The following ACSBG2 variants were observed in gnomAD, a reference collection of about 807,000 sequenced individuals.
ACSBG2 encodes the protein acyl-CoA synthetase bubblegum family member 2.
ACSBG2 carries 62 observed loss-of-function variants against 74.7 expected under a neutral mutation model. The observed-to-expected ratio is 0.83, with a 90% CI of 0.68 to 1.03. ACSBG2 has a LOEUF of 1.03. Ranked by LOEUF, ACSBG2 falls within the 50% of genes least tolerant of loss-of-function variation. ACSBG2 has a pLI of 0.00. For synonymous variants in ACSBG2, 309 were observed against 294.1 expected, an observed-to-expected ratio of 1.05 and a Z score of -0.52; for missense variants, 730 against 817.6, an observed-to-expected ratio of 0.89 and a Z score of 1.31.
At chr19:6,147,370 G>C in intron 2 of ACSBG2, 76 bp from the exon 3 acceptor site, 2 of 1,276,500 alleles carry the variant, frequency 1.6e-6, no homozygotes, top group East Asian at 4.9e-5. Context: ...GGTCCAAAAA[G>C]ACACCAACCG....
chr19:6,146,771 C>T (rs1426248908), intron 2 of ACSBG2, among the ~76,000 whole-genome samples: 1 of 150,358 alleles, frequency 6.7e-6, no homozygotes, highest in Non-Finnish European at 1.5e-5. Context: ...GTCTCAAAAA[C>T]AAAAACAAAA....
chr19:6,156,409 C>T (rs765000580), intron 4 of ACSBG2, 22 bp from the exon 5 acceptor site: 8 of 1,577,526 alleles, frequency 5.1e-6, no homozygotes, highest in African/African-American at 2.8e-5. Context: ...GATGCACACA[C>T]GAATTTGTTT....
In ACSBG2 at chr19:6,185,445, G is replaced by T; in HGVS notation, c.1332G>T (p.Lys444Asn). ...QNNYRLLSCG[K>N]ILTGCKNMLF... ...TTCTGTCCCCTGGCAGCTGTGGCAA[G>T]ATCTTGACTGGGTGTAAGAATATGC... Residue 444 changes from lysine (K) to asparagine (N), a missense_variant, in exon 11 of 15, where the codon AAG becomes AAT. Lys to Asn is a moderately conservative substitution (Grantham distance 94). Coordinates refer to ENST00000588485, the MANE Select transcript of ACSBG2 (RefSeq NM_030924.5). The T allele has an allele frequency of 3.7e-6, 6 of 1,614,178 alleles. No homozygotes were observed. Among genetic ancestry groups the T allele is most frequent in the Non-Finnish European group, 5.1e-6 (6 of 1,180,034 alleles).
At chr19:6,173,734 G>A (rs946464815) in intron 7 of ACSBG2, among the ~76,000 whole-genome samples, 2 of 152,024 alleles carry the variant, frequency 1.3e-5, no homozygotes, top group East Asian at 1.9e-4. Flanking sequence ...TCTGATGTCC[G>A]TTGTCAGCCA....
intron 8 of ACSBG2, among the ~76,000 whole-genome samples, chr19:6,179,709 C>T (rs978445298): frequency 6.6e-5 from 10 of 152,122 alleles, no homozygotes; most frequent in African/African-American, 2.4e-4. Context: ...CCTCCACCTC[C>T]GGGTTAAACG....
At chr19:6,190,812 T>TATACAC (rs2090542983) in intron 14 of ACSBG2, 120 bp downstream of exon 14, 11 of 336,820 alleles carry the variant, frequency 3.3e-5, no homozygotes, top group East Asian at 1.9e-4. Context: ...CACACATACA[T>TATACAC]ACACACACAC....
intron 5 of ACSBG2, 68 bp downstream of exon 5, chr19:6,156,619 C>CT (rs2089430080): frequency 2.1e-6 from 3 of 1,428,848 alleles, no homozygotes; most frequent in East Asian, 2.6e-5. Context: ...GGCAGGTGTT[C>CT]TTTTTTTCCC....
At chr19:6,156,295 G>A (rs1418618301) in intron 4 of ACSBG2, 136 bp from the exon 5 acceptor site, 2 of 847,564 alleles carry the variant, frequency 2.4e-6, no homozygotes, top group Non-Finnish European at 3.5e-6. Flanking sequence ...TGTTAAGTTG[G>A]GGAGGAAGGG....
At chr19:6,136,166 A>T (rs1216834613) in intron 1 of ACSBG2, among the ~76,000 whole-genome samples, 1 of 95,228 alleles carries the variant, frequency 1.1e-5, no homozygotes, top group Non-Finnish European at 2.1e-5. Context: ...ATCTCGGCTC[A>T]CTGCAAGCTT....
At chr19:6,185,816 C>A (rs533979776) in intron 11 of ACSBG2, among the ~76,000 whole-genome samples, 163 bp downstream of exon 11, 42 of 152,270 alleles carry the variant, frequency 2.8e-4, no homozygotes, top group Middle Eastern at 3.4e-3. Context: ...TCCTCCTGTC[C>A]AGCAAACAGT....
intron 7 of ACSBG2, among the ~76,000 whole-genome samples, chr19:6,173,976 G>C (rs1249845257): frequency 6.9e-6 from 1 of 145,472 alleles, no homozygotes; most frequent in Non-Finnish European, 1.5e-5. Flanking sequence ...CTGCTCTGTC[G>C]CTCAGGTTGG....
intron 14 of ACSBG2, 114 bp downstream of exon 14, chr19:6,190,806 CATACAT>C (rs2090541945): frequency 1.1e-5 from 6 of 526,562 alleles, no homozygotes; most frequent in Admixed American, 2.7e-5. Context: ...CACATACACA[CATACAT>C]ACACACACAC....
intron 12 of ACSBG2, 34 bp downstream of exon 12, chr19:6,187,456 C>T (rs1003376713): frequency 2.5e-6 from 4 of 1,611,996 alleles, no homozygotes; most frequent in Middle Eastern, 3.3e-4. Context: ...GGGGAAGTCT[C>T]TGCAGCCGGT....
chr19:6,151,138 T>C (rs956714276), intron 3 of ACSBG2, among the ~76,000 whole-genome samples: 1 of 148,218 alleles, frequency 6.7e-6, no homozygotes, highest in African/African-American at 2.5e-5. Context: ...AAGAAAATGG[T>C]AAAATCCATG....
chr19:6,181,080 C>T (rs2090235096), intron 8 of ACSBG2, among the ~76,000 whole-genome samples: 1 of 150,032 alleles, frequency 6.7e-6, no homozygotes, highest in South Asian at 2.1e-4. Flanking sequence ...AAAAATTAGC[C>T]AGGCGTGGTG....
intron 6 of ACSBG2, among the ~76,000 whole-genome samples, chr19:6,161,786 C>A (rs2089631510): frequency 6.6e-6 from 1 of 152,042 alleles, no homozygotes. Context: ...GCATTTTTCC[C>A]TTCTGGCATG....
At chr19:6,190,530 G>A in intron 13 of ACSBG2, 54 bp from the exon 14 acceptor site, 2 of 1,465,790 alleles carry the variant, frequency 1.4e-6, no homozygotes, top group South Asian at 1.1e-5. Flanking sequence ...ATGCATGGGT[G>A]TGTGTAATTT....
intron 13 of ACSBG2, among the ~76,000 whole-genome samples, chr19:6,189,156 A>G (rs2090487763): frequency 6.6e-6 from 1 of 152,090 alleles, no homozygotes. Flanking sequence ...TTAATATTAT[A>G]AAGTTTTCAG....
rs577521043 is a variant in ACSBG2, at chr19:6,182,741, T to C, written c.907-10T>C. 1 of 1,613,092 alleles carries C rather than the reference T, an allele frequency of 6.2e-7. No individual in the cohort carries two copies. Among genetic ancestry groups the C allele is most frequent in the South Asian group, 1.1e-5 (1 of 90,958 alleles). On this transcript the variant is annotated splice_polypyrimidine_tract_variant and intron_variant, in intron 8 of 14. Transcript: ENST00000588485. ...CCCTGCTGTGGCTAACCTAGCTTCG[T>C]TCCATACAGGGCACCTTGGTAAGTA... is the stretch of plus-strand genomic sequence containing the variant.
Sources: allele counts gnomAD v4.1 joint callset (sites outside exome capture counted in the v4.1 genomes callset), GRCh38; gene constraint gnomAD v4.1.1; transcripts MANE v1.5; gene names NCBI Gene and HGNC (gene_info 2026-07-23, HGNC 2026-07-21).